The following GRIP2 variants were observed in gnomAD, a reference collection of about 807,000 sequenced individuals.
GRIP2 encodes glutamate receptor-interacting protein 2.
Under a neutral mutation model 108.3 loss-of-function variants are expected in GRIP2, and 58 were observed. The observed-to-expected ratio is 0.54, with a 90% CI of 0.43 to 0.67. The LOEUF is 0.67. GRIP2 is among the 30% of genes least tolerant of loss of function. The pLI is 0.00. For synonymous variants in GRIP2, 586 were observed against 598.2 expected (o/e 0.98, Z 0.30); for missense variants, 1,278 against 1,430.6 (o/e 0.89, Z 1.72).
chr3:14,520,349 G>C, intron 8 of GRIP2, 41 bp downstream of exon 8: 1 of 1,610,830 alleles, frequency 6.2e-7, no homozygotes, highest in Non-Finnish European at 8.5e-7. Flanking sequence ...CCTCTCCCCT[G>C]CACACACCTC....
Position 14,521,931 on chromosome 3 carries a change from G to A in GRIP2, c.567-144C>T. The A allele has an allele frequency of 1.4e-6, 1 of 728,498 alleles. No homozygotes were observed. Among genetic ancestry groups the A allele is most frequent in the African/African-American group, 1.8e-5 (1 of 55,516 alleles). The allele number at this position is 728,498 out of a possible 1,614,324, so 45.1% of individuals were successfully genotyped here. A position where few individuals can be genotyped will look rare whatever the true frequency, so the allele number is the denominator to read the frequency against. ...AAGGGGAGGAGGGGACGGGTGAAGG[G>A]GCGCATGAGTGAGTGAAGGAATGAG... On this transcript the variant is annotated intron_variant, in intron 6 of 23. Coordinates refer to ENST00000621039, the MANE Select transcript of GRIP2 (RefSeq NM_001080423.4). The surrounding 1 kb of genome is among the most constrained non-coding windows in gnomAD (Gnocchi z 5.1).
At position 14,522,805 on chromosome 3, in the gene GRIP2, G is replaced by T; in HGVS notation, c.566+195C>A. On this transcript the variant is annotated intron_variant, in intron 6 of 23. Coordinates refer to ENST00000621039, the MANE Select transcript of GRIP2 (RefSeq NM_001080423.4). This position sits in a 1 kb window ranked among gnomAD's most constrained non-coding sequence, Gnocchi z 4.3. ...ACAGCAGTATGTTGGGGAAGAAAGGGCTCGAGGTTTCCCTCATTTGGGGTT... is the reference window on the plus strand; with the variant it reads ...ACAGCAGTATGTTGGGGAAGAAAGGTCTCGAGGTTTCCCTCATTTGGGGTT... 1.7e-6 allele frequency: 1 copy of T among 582,232 alleles called. No homozygotes were observed. The allele number at this position is 582,232 out of a possible 1,614,324, so 36.1% of individuals were successfully genotyped here.
At chr3:14,582,155 C>T in the GRIP2 span, among the ~76,000 whole-genome samples, 4 of 152,216 alleles carry the variant, frequency 2.6e-5, no homozygotes, top group Non-Finnish European at 4.4e-5. Flanking sequence ...AGCTCCACTG[C>T]CATGCAAATG....
the GRIP2 span, among the ~76,000 whole-genome samples, chr3:14,570,898 G>A: frequency 6.6e-6 from 1 of 152,170 alleles, no homozygotes; most frequent in Non-Finnish European, 1.5e-5. Context: ...AGCTGAAACA[G>A]ATGTAACTTT....
intron 1 of GRIP2, among the ~76,000 whole-genome samples, chr3:14,530,427 G>A (rs1694680540): frequency 1.3e-5 from 2 of 152,136 alleles, no homozygotes; most frequent in South Asian, 2.1e-4. Context: ...GGAAATGCAT[G>A]TATAGGCCCA....
intron 1 of GRIP2, among the ~76,000 whole-genome samples, chr3:14,528,165 T>C (rs1358327711): frequency 6.6e-6 from 1 of 152,236 alleles, no homozygotes; most frequent in Non-Finnish European, 1.5e-5. Context: ...ACTCAGTATG[T>C]ACGCTTTTGA....
the GRIP2 span, chr3:14,573,769 G>T: frequency 6.5e-7 from 1 of 1,542,964 alleles, no homozygotes; most frequent in Non-Finnish European, 8.9e-7. Flanking sequence ...CTGGGATCCT[G>T]GTGGCAGACA....
At position 14,525,886 on chromosome 3, in the gene GRIP2, T is replaced by C. The variant is rs1471609009; in HGVS notation, c.86A>G (p.Asp29Gly). Reference protein sequence around the residue: ...SKGGKDAGGADVSLACRRQSI... With the variant: ...SKGGKDAGGAGVSLACRRQSI... ...CTGTCTGCGGCACGCCAGGGAAACG[T>C]CGGCCCCTCCTGCGTCCTTGCCTCC... Residue 29 changes from aspartate (D) to glycine (G), a missense_variant, in exon 2 of 24, where the codon GAC (aspartate) becomes GGC (glycine). Coordinates refer to ENST00000621039, the MANE Select transcript of GRIP2 (RefSeq NM_001080423.4). The C allele has an allele frequency of 6.4e-7, 1 of 1,561,162 alleles. No homozygotes were observed. The highest frequency in any genetic ancestry group is 1.4e-5 in the African/African-American group (1 of 73,366).
chr3:14,543,092 T>C (rs1028993651), upstream of GRIP2, among the ~76,000 whole-genome samples: 1 of 152,150 alleles, frequency 6.6e-6, no homozygotes, highest in African/African-American at 2.4e-5. Context: ...AAAAAGCCAT[T>C]GCACGCGTGT....
Position 14,522,688 on chromosome 3 carries a change from T to A in GRIP2, c.566+312A>T. 1 of 357,330 alleles carries A rather than the reference T, an allele frequency of 2.8e-6. No individual in the cohort carries two copies. Among genetic ancestry groups the A allele is most frequent in the South Asian group, 2.9e-5 (1 of 34,032 alleles). The allele number at this position is 357,330 out of a possible 1,614,324, so 22.1% of individuals were successfully genotyped here. A position where few individuals can be genotyped will look rare whatever the true frequency, so the allele number is the denominator to read the frequency against. On this transcript the variant is annotated intron_variant, in intron 6 of 23. Transcript: ENST00000621039. This position sits in a 1 kb window ranked among gnomAD's most constrained non-coding sequence, Gnocchi z 4.3. ...GCCCCCAAATCTCTCATAGCAACTC[T>A]TAGGGACCATTCCACAGACGGGAAA...
At chr3:14,563,517 G>A in the GRIP2 span, among the ~76,000 whole-genome samples, 47 of 152,180 alleles carry the variant, frequency 3.1e-4, no homozygotes, top group Middle Eastern at 0.01. Context: ...TGGGCCTGGA[G>A]GGTCCGAGGA....
the GRIP2 span, chr3:14,574,157 T>A: frequency 2.2e-6 from 2 of 920,254 alleles, no homozygotes; most frequent in Admixed American, 3.4e-5. Context: ...TGCACACGGC[T>A]AGAATGGTGA....
In GRIP2 at chr3:14,540,301, C is replaced by G; in HGVS notation, c.8G>C (p.Cys3Ser). ML[C>S]GLSRETPGEA... Reference sequence around the variant, plus strand: ...TCCAGGGGTCTCCCGGCTGAGCCCACACAGCATGTTCGCTATTGTCTCCCC... The same window carrying G: ...TCCAGGGGTCTCCCGGCTGAGCCCAGACAGCATGTTCGCTATTGTCTCCCC... The change falls in exon 1 of 24, where the codon TGT (cysteine) becomes TCT (serine). Residue 3 changes from cysteine to serine, a missense_variant. Physicochemically the swap from Cys to Ser is moderately radical, Grantham distance 112 (BLOSUM62 -1). Coordinates refer to ENST00000621039, the MANE Select transcript of GRIP2 (RefSeq NM_001080423.4). This position sits in a 1 kb window ranked among gnomAD's most constrained non-coding sequence, Gnocchi z 4.1. The G allele has an allele frequency of 6.2e-7, 1 of 1,613,864 alleles. No individual in the cohort carries two copies. Among genetic ancestry groups the G allele is most frequent in the Non-Finnish European group, 8.5e-7 (1 of 1,179,838 alleles).
chr3:14,593,366 G>T, the GRIP2 span, among the ~76,000 whole-genome samples: 2,752 of 152,274 alleles, frequency 0.018, 87 homozygotes, highest in African/African-American at 0.062. Context: ...CTCCCCACTG[G>T]GCCATGAACA....
In GRIP2 at chr3:14,517,228, G is replaced by A. The variant is rs753673281; in HGVS notation, c.1157-15C>T. 2.0e-6 allele frequency: 3 copies of A among 1,534,484 alleles called. No homozygotes were observed. The highest frequency in any genetic ancestry group is 2.0e-5 in the Admixed American group (1 of 50,264). ...TGAAGACAAGGCTGGGGAGATGAGA[G>A]CACAGCCCCGTGAACCCCAGCCGAG... On this transcript the variant is annotated splice_polypyrimidine_tract_variant and intron_variant, in intron 10 of 23. Transcript: ENST00000621039.
chr3:14,506,010 T>C (rs1475813099), intron 19 of GRIP2, among the ~76,000 whole-genome samples: 1 of 152,124 alleles, frequency 6.6e-6, no homozygotes, highest in Non-Finnish European at 1.5e-5. Context: ...CTCAACTCCA[T>C]CGGCCTGGGC....
rs1559343887 is a variant in GRIP2, at chr3:14,521,895, G to C, written c.567-108C>G. The stretch of plus-strand genomic sequence containing the variant: ...ATGGAGGATGAAGAAGCAGGGAATG[G>C]GTGGGGGAGGAAGGGGAGGAGGGGA... On this transcript the variant is annotated intron_variant, in intron 6 of 23. Transcript: ENST00000621039. The surrounding 1 kb of genome is among the most constrained non-coding windows in gnomAD (Gnocchi z 5.1). 9.2e-7 allele frequency: 1 copy of C among 1,082,330 alleles called. No homozygotes were observed. Among genetic ancestry groups the C allele is most frequent in the Non-Finnish European group, 1.3e-6 (1 of 783,650 alleles). 67.0% of individuals were successfully genotyped at this position (1,082,330 alleles called of 1,614,324 possible).
Position 14,507,049 on chromosome 3 carries a change from C to T in GRIP2, c.2219-69G>A. ...ACAGTGAGCCTCAGTTTCTGCATTT[C>T]AGCCTGGTCTGGAAACTCACAGGCA... is the stretch of plus-strand genomic sequence containing the variant. On this transcript the variant is annotated intron_variant, in intron 18 of 23. Transcript: ENST00000621039. The surrounding 1 kb of genome is among the most constrained non-coding windows in gnomAD (Gnocchi z 4.6). 1 of 1,438,212 alleles carries T rather than the reference C, an allele frequency of 7.0e-7. No homozygotes were observed. The highest frequency in any genetic ancestry group is 9.4e-7 in the Non-Finnish European group (1 of 1,060,810). 89.1% of individuals were successfully genotyped at this position (1,438,212 alleles called of 1,614,324 possible).
chr3:14,531,045 C>T (rs955847884), intron 1 of GRIP2: 4 of 152,216 alleles, frequency 2.6e-5, no homozygotes, highest in African/African-American at 9.7e-5. Context: ...CTAATCTTCT[C>T]TGTATCATTC....
Sources: gnomAD v4.1 joint callset for allele counts (sites outside exome capture counted in the v4.1 genomes callset) on GRCh38, gnomAD v4.1.1 for gene constraint, Gnocchi (gnomAD v3.1) non-coding constraint, MANE v1.5 for transcripts, NCBI Gene and HGNC (gene_info 2026-07-23, HGNC 2026-07-21) for gene names.